DTNA: variants seen among roughly 807,000 people sequenced by gnomAD.
The protein encoded by DTNA is dystrophin-related protein 3.
A neutral mutation model predicts 100.7 loss-of-function variants in DTNA; 43 were observed. The ratio of observed to expected loss-of-function variants is 0.43; its 90% CI spans 0.33 to 0.55. The LOEUF (loss-of-function observed/expected upper bound fraction) is 0.55. Ranked by LOEUF, DTNA falls within the 20% of genes least tolerant of loss-of-function variation. The probability of loss-of-function intolerance (pLI) is 0.04; values close to 1 mark genes in which losing one functional copy is unlikely to be tolerated. For missense variants in DTNA, 798 were observed against 953.9 expected (o/e 0.84, Z 2.15); for synonymous variants, 349 against 347.9 (o/e 1.00, Z -0.04).
chr18:34,767,644 A>G (rs1322058852), intron 3 of DTNA: 1 of 152,186 alleles, frequency 6.6e-6, no homozygotes, highest in Non-Finnish European at 1.5e-5. Flanking sequence ...CAGGGCACAC[A>G]TAGTAAGGAG....
chr18:34,632,355 A>G (rs944771911), intron 1 of DTNA, among the ~76,000 whole-genome samples: 2 of 152,202 alleles, frequency 1.3e-5, no homozygotes, highest in East Asian at 3.9e-4. Context: ...AAGCAAGTCA[A>G]GTGGTTCCCA....
At chr18:34,786,962 T>C (rs546631630) in intron 3 of DTNA, among the ~76,000 whole-genome samples, 174 of 152,312 alleles carry the variant, frequency 1.1e-3, no homozygotes, top group African/African-American at 3.9e-3. Flanking sequence ...GAAGCGCTTC[T>C]TATACTTAAA....
In DTNA at chr18:34,887,830, G is replaced by A; in HGVS notation, c.*96G>A. 1.0e-6 allele frequency: 1 copy of A among 986,068 alleles called. No homozygotes were observed. Among genetic ancestry groups the A allele is most frequent in the South Asian group, 4.7e-5 (1 of 21,294 alleles). The allele number at this position is 986,068 out of a possible 1,614,324, so 61.1% of individuals were successfully genotyped here. On this transcript the variant is annotated 3_prime_UTR_variant, in exon 23 of 23. Transcript: ENST00000444659. The stretch of plus-strand genomic sequence containing the variant: ...ACTGGTGATGATGGAGAGCCCTGTG[G>A]CCACACAGAGGAGGAAGACAGCAGC...
chr18:34,613,506 G>C (rs1332084978), intron 1 of DTNA, among the ~76,000 whole-genome samples: 1 of 152,162 alleles, frequency 6.6e-6, no homozygotes, highest in Non-Finnish European at 1.5e-5. Flanking sequence ...CAAAGTAAAA[G>C]GGAAAGTTCT....
chr18:34,735,702 C>A (rs1446197760), intron 1 of DTNA, among the ~76,000 whole-genome samples: 1 of 152,092 alleles, frequency 6.6e-6, no homozygotes, highest in African/African-American at 2.4e-5. Flanking sequence ...ATTTTTAGTT[C>A]TGGGGTACAT....
chr18:34,810,908 T>C (rs1026189670), intron 5 of DTNA, among the ~76,000 whole-genome samples: 15 of 152,206 alleles, frequency 9.9e-5, no homozygotes, highest in African/African-American at 3.6e-4. Flanking sequence ...AATGGAGTAT[T>C]TAATGAAAAT....
At chr18:34,643,836 AC>A (rs1275972446) in intron 1 of DTNA, among the ~76,000 whole-genome samples, 3 of 152,194 alleles carry the variant, frequency 2.0e-5, no homozygotes, top group African/African-American at 7.2e-5. Context: ...TTCCTTAATT[AC>A]ATGATTTGTT....
chr18:34,792,667 T>C (rs9947626), intron 3 of DTNA, among the ~76,000 whole-genome samples: 3,853 of 152,320 alleles, frequency 0.025, 169 homozygotes, highest in African/African-American at 0.087. Context: ...CCTTAAATGG[T>C]GAAGATGTGG....
At chr18:34,884,277 C>CA (rs1195518184) in intron 21 of DTNA, among the ~76,000 whole-genome samples, 1 of 152,154 alleles carries the variant, frequency 6.6e-6, no homozygotes, top group Non-Finnish European at 1.5e-5. Flanking sequence ...GGCAGGCTTA[C>CA]ACCATTCCAT....
At chr18:34,670,438 C>T (rs1352489653) in intron 1 of DTNA, among the ~76,000 whole-genome samples, 2 of 152,200 alleles carry the variant, frequency 1.3e-5, no homozygotes, top group African/African-American at 4.8e-5. Flanking sequence ...AGTCATTCTC[C>T]GTCCAGCTTT....
chr18:34,542,474 A>T (rs961292093), intron 1 of DTNA, among the ~76,000 whole-genome samples: 1 of 151,944 alleles, frequency 6.6e-6, no homozygotes, highest in African/African-American at 2.4e-5. Flanking sequence ...CTTTGGTTTT[A>T]TGTCTACTCA....
Position 34,712,254 on chromosome 18 carries a change from G to A in DTNA, c.-2+1809G>A, listed in dbSNP as rs183229631. ...TACCCAAGCATTTTTCTTTCCCGCC[G>A]GTACTGGAAAGGGTTAAATCTGTAT... On this transcript the variant is annotated intron_variant, in intron 1 of 22. Coordinates refer to ENST00000444659, the MANE Select transcript of DTNA (RefSeq NM_001386795.1). Among the ~76,000 whole-genome samples, 415 of 152,090 alleles carry A rather than the reference G, an allele frequency of 2.7e-3. 1 individual carries two copies. The highest frequency in any genetic ancestry group is 4.3e-3 in the Non-Finnish European group (289 of 67,916).
rs535103083 is a variant in DTNA, at chr18:34,720,407, T to C, written c.-2+9962T>C. 2.6e-5 allele frequency among the ~76,000 whole-genome samples: 4 copies of C among 152,318 alleles called. No homozygotes were observed. The South Asian group carries it at 8.3e-4, about 32-fold the overall frequency. ...AGGCAATGAAAGAACAATGCCTCTG[T>C]TGTACTGGATTTCCAGCAGGGAATG... On this transcript the variant is annotated intron_variant, in intron 1 of 22. Transcript: ENST00000444659.
intron 1 of DTNA, among the ~76,000 whole-genome samples, chr18:34,606,096 T>A (rs2053038075): frequency 6.6e-6 from 1 of 152,196 alleles, no homozygotes; most frequent in Non-Finnish European, 1.5e-5. Flanking sequence ...CAGGGATGTT[T>A]TATAAAAGGA....
At chr18:34,825,871 T>C (rs1340400649) in intron 9 of DTNA, among the ~76,000 whole-genome samples, 1 of 152,198 alleles carries the variant, frequency 6.6e-6, no homozygotes, top group Non-Finnish European at 1.5e-5. Flanking sequence ...TTTGCAAAGC[T>C]ACAATGAAGA....
intron 11 of DTNA, among the ~76,000 whole-genome samples, chr18:34,835,611 G>A (rs564934992): frequency 2.6e-5 from 4 of 152,244 alleles, no homozygotes; most frequent in Admixed American, 6.5e-5. Context: ...AGGAAAGTCC[G>A]GCCTATCGCC....
chr18:34,829,526 T>C, intron 11 of DTNA, 37 bp downstream of exon 11: 1 of 1,479,498 alleles, frequency 6.8e-7, no homozygotes, highest in South Asian at 1.3e-5. Context: ...ATCGTAGTAG[T>C]AGTTCCATAG....
chr18:34,788,751 CTT>C (rs958396143), intron 3 of DTNA, among the ~76,000 whole-genome samples: 2 of 152,192 alleles, frequency 1.3e-5, no homozygotes, highest in African/African-American at 4.8e-5. Flanking sequence ...CTGCAATGCA[CTT>C]TGTGATTCTT....
intron 1 of DTNA, among the ~76,000 whole-genome samples, chr18:34,731,463 G>A (rs1031744035): frequency 6.6e-6 from 1 of 151,780 alleles, no homozygotes; most frequent in Non-Finnish European, 1.5e-5. Flanking sequence ...TCCAGCCTGG[G>A]CGACAGAGCG....
Sources: gnomAD v4.1 joint callset for allele counts (sites outside exome capture counted in the v4.1 genomes callset) on GRCh38, gnomAD v4.1.1 for gene constraint, MANE v1.5 for transcripts, NCBI Gene and HGNC (gene_info 2026-07-23, HGNC 2026-07-21) for gene names.